MND1: variants seen among roughly 807,000 people sequenced by gnomAD.
The protein encoded by MND1 is meiotic nuclear divisions 1.
Under a neutral mutation model 35.1 loss-of-function variants are expected in MND1, and 28 were observed. The observed-to-expected ratio is 0.80, with a 90% CI of 0.59 to 1.09. The LOEUF is 1.09. Ranked by LOEUF, MND1 falls within the 50% of genes least tolerant of loss-of-function variation. The pLI, the probability that MND1 is intolerant of heterozygous loss-of-function variation, is 0.00. For missense variants in MND1, 213 were observed against 239.6 expected (o/e 0.89, Z 0.73); for synonymous variants, 69 against 70.5 (o/e 0.98, Z 0.11).
At chr4:153,391,608 T>C (rs2149651489) in intron 4 of MND1, among the ~76,000 whole-genome samples, 1 of 151,496 alleles carries the variant, frequency 6.6e-6, no homozygotes, top group African/African-American at 2.4e-5. Flanking sequence ...GTGCCTGTAA[T>C]CCCAGCTACT....
intron 7 of MND1, among the ~76,000 whole-genome samples, chr4:153,413,445 C>T (rs908371950): frequency 2.0e-5 from 3 of 152,028 alleles, no homozygotes; most frequent in Non-Finnish European, 4.4e-5. Context: ...TTTGGGAGGC[C>T]GAGGTGGGTG....
At chr4:153,354,665 G>A (rs561262083) in intron 2 of MND1, among the ~76,000 whole-genome samples, 4 of 152,110 alleles carry the variant, frequency 2.6e-5, no homozygotes, top group African/African-American at 7.2e-5. Context: ...ACCACACCCA[G>A]CTAATTTTTT....
intron 4 of MND1, among the ~76,000 whole-genome samples, chr4:153,393,522 G>A (rs916009124): frequency 3.3e-5 from 5 of 151,936 alleles, no homozygotes; most frequent in African/African-American, 9.7e-5. Flanking sequence ...GGGACTACAG[G>A]CTCATGCCAT....
Position 153,409,035 on chromosome 4 carries a change from T to C in MND1, c.511+20T>C. On this transcript the variant is annotated intron_variant, in intron 7 of 7. Transcript: ENST00000240488. ...GGACTGGTATGTACTATAATAATGC[T>C]GATAAACTATAGCTAAATTCCCTTC... The C allele has an allele frequency of 7.5e-7, 1 of 1,333,540 alleles. No individual in the cohort carries two copies. The highest frequency in any genetic ancestry group is 1.5e-5 in the African/African-American group (1 of 65,996). The allele number at this position is 1,333,540 out of a possible 1,614,324, so 82.6% of individuals were successfully genotyped here.
chr4:153,381,326 A>G (rs920447588), intron 4 of MND1, among the ~76,000 whole-genome samples: 1 of 152,002 alleles, frequency 6.6e-6, no homozygotes, highest in African/African-American at 2.4e-5. Flanking sequence ...TGAACCTGAG[A>G]AGGCTGACCC....
At chr4:153,344,674 C>T, upstream of MND1, 6 of 1,477,244 alleles carry the variant, frequency 4.1e-6, no homozygotes, top group Non-Finnish European at 5.5e-6. Context: ...CAAACGCGTC[C>T]TGGCCTGTCC....
At chr4:153,368,946 C>T (rs1773724496) in intron 4 of MND1, among the ~76,000 whole-genome samples, 1 of 152,196 alleles carries the variant, frequency 6.6e-6, no homozygotes, top group Admixed American at 6.5e-5. Context: ...TCTCACAGTT[C>T]TTGTGACTCG....
intron 4 of MND1, among the ~76,000 whole-genome samples, chr4:153,389,948 A>T (rs1728973348): frequency 6.6e-6 from 1 of 152,138 alleles, no homozygotes; most frequent in Non-Finnish European, 1.5e-5. Context: ...AGAAATGCAC[A>T]TTATTGGGCC....
At chr4:153,380,378 A>G (rs912788341) in intron 4 of MND1, among the ~76,000 whole-genome samples, 3 of 152,194 alleles carry the variant, frequency 2.0e-5, no homozygotes, top group Non-Finnish European at 4.4e-5. Context: ...TACCATGACA[A>G]CACCAAAGCA....
intron 6 of MND1, among the ~76,000 whole-genome samples, chr4:153,402,382 G>A (rs1187117538): frequency 1.3e-5 from 2 of 152,130 alleles, no homozygotes; most frequent in African/African-American, 2.4e-5. Flanking sequence ...GTGGAGTAAG[G>A]ACTTCTGAAA....
At chr4:153,396,710 G>T (rs993614700) in intron 5 of MND1, among the ~76,000 whole-genome samples, 2 of 151,818 alleles carry the variant, frequency 1.3e-5, no homozygotes, top group African/African-American at 2.4e-5. Flanking sequence ...GTGGTGGGAG[G>T]CCTCAAACTA....
At chr4:153,351,011 T>C (rs529433004) in intron 2 of MND1, among the ~76,000 whole-genome samples, 1 of 151,790 alleles carries the variant, frequency 6.6e-6, no homozygotes, top group East Asian at 1.9e-4. Flanking sequence ...TATAATCTTA[T>C]TGTTCTTAAA....
intron 4 of MND1, among the ~76,000 whole-genome samples, chr4:153,371,478 T>C (rs1773788099): frequency 6.6e-6 from 1 of 152,134 alleles, no homozygotes; most frequent in Non-Finnish European, 1.5e-5. Context: ...CTTCACTTCA[T>C]AGTACTTGAA....
At chr4:153,403,424 C>T (rs1729398383) in intron 6 of MND1, among the ~76,000 whole-genome samples, 1 of 152,138 alleles carries the variant, frequency 6.6e-6, no homozygotes, top group Non-Finnish European at 1.5e-5. Flanking sequence ...GAGGTTTAGT[C>T]CAAGTGTTTA....
intron 7 of MND1, among the ~76,000 whole-genome samples, chr4:153,413,586 G>A (rs1360667900): frequency 6.6e-6 from 1 of 151,970 alleles, no homozygotes; most frequent in Non-Finnish European, 1.5e-5. Context: ...GCTGAGGTTG[G>A]AGGGTTGCCT....
At position 153,379,862 on chromosome 4, in the gene MND1, A is replaced by C. The variant is rs9998978; in HGVS notation, c.277-14400A>C. 4.1e-4 allele frequency among the ~76,000 whole-genome samples: 61 copies of C among 148,384 alleles called. 2 individuals carry two copies. The highest frequency in any genetic ancestry group is 1.4e-3 in the African/African-American group (57 of 39,336). On this transcript the variant is annotated intron_variant, in intron 4 of 7. Coordinates refer to ENST00000240488, the MANE Select transcript of MND1 (RefSeq NM_032117.4). ...AAGACTCCATCTCAAAAAAAAAAAA[A>C]AAAAAAAAAAAAAATCAGGTGTTGT...
intron 4 of MND1, among the ~76,000 whole-genome samples, chr4:153,382,940 T>G (rs1308116509): frequency 6.6e-6 from 1 of 152,218 alleles, no homozygotes; most frequent in Non-Finnish European, 1.5e-5. Flanking sequence ...TGATGGAGAC[T>G]ACTGAATAGG....
At chr4:153,402,876 G>A (rs7660848) in intron 6 of MND1, among the ~76,000 whole-genome samples, 31,485 of 152,186 alleles carry the variant, frequency 0.21, 3,484 homozygotes, top group East Asian at 0.27. Context: ...AAAAGGGCCA[G>A]ATGCAGTGGT....
At chr4:153,391,680 T>C (rs1729038398) in intron 4 of MND1, among the ~76,000 whole-genome samples, 1 of 149,370 alleles carries the variant, frequency 6.7e-6, no homozygotes, top group Admixed American at 6.7e-5. Flanking sequence ...TGAGCCAAGA[T>C]TGCGCCATTG....
Sources: allele counts gnomAD v4.1 joint callset (sites outside exome capture counted in the v4.1 genomes callset), GRCh38; gene constraint gnomAD v4.1.1; transcripts MANE v1.5; gene names NCBI Gene and HGNC (gene_info 2026-07-23, HGNC 2026-07-21).